The following XKR9 variants were observed in gnomAD, a reference collection of about 807,000 sequenced individuals.
XKR9 encodes XK related 9, also known as XK-related protein 9.
In XKR9, 32 loss-of-function variants were observed where a neutral mutation model predicts 32.0. That is an observed-to-expected ratio of 1.00 (90% CI 0.76 to 1.34). The LOEUF is 1.34. Among genes scored for constraint, XKR9 ranks in the 40% most tolerant of loss-of-function variants. The pLI, the probability that XKR9 is intolerant of heterozygous loss-of-function variation, is 0.00. For synonymous variants in XKR9, 168 were observed against 143.4 expected (o/e 1.17, Z -1.22); for missense variants, 546 against 429.7 (o/e 1.27, Z -2.39).
chr8:70,853,669 C>T, the XKR9 span, among the ~76,000 whole-genome samples: 1 of 152,008 alleles, frequency 6.6e-6, no homozygotes, highest in Non-Finnish European at 1.5e-5. Flanking sequence ...AATGCTATCC[C>T]TCCCTCACTC....
At chr8:71,036,037 CCACTATT>C in the XKR9 span, among the ~76,000 whole-genome samples, 1 of 152,130 alleles carries the variant, frequency 6.6e-6, no homozygotes, top group African/African-American at 2.4e-5. Flanking sequence ...ACATGACTGT[CCACTATT>C]CATCAAACCA....
chr8:70,951,377 ACAGGGCTAGAGGCC>A, the XKR9 span, among the ~76,000 whole-genome samples: 2 of 152,216 alleles, frequency 1.3e-5, no homozygotes, highest in South Asian at 4.1e-4. Flanking sequence ...GGGGTGGGGG[ACAGGGCTAGAGGCC>A]CAGGGCCCTC....
At chr8:70,761,842 T>C (rs1425244309) in intron 2 of XKR9, among the ~76,000 whole-genome samples, 1 of 152,208 alleles carries the variant, frequency 6.6e-6, no homozygotes, top group African/African-American at 2.4e-5. Context: ...TACATGTAAG[T>C]CTTTAATCCA....
chr8:70,699,074 G>A (rs984781520), intron 3 of XKR9, among the ~76,000 whole-genome samples: 1 of 152,076 alleles, frequency 6.6e-6, no homozygotes, highest in African/African-American at 2.4e-5. Flanking sequence ...GAGCCTATGT[G>A]TGTCTCTGCA....
chr8:70,698,738 C>G (rs1285693658), intron 3 of XKR9, among the ~76,000 whole-genome samples: 1 of 152,086 alleles, frequency 6.6e-6, no homozygotes, highest in African/African-American at 2.4e-5. Context: ...CCTGGGTATC[C>G]TCGTTAACTT....
intron 2 of XKR9, among the ~76,000 whole-genome samples, chr8:70,767,731 G>A (rs946567407): frequency 6.6e-6 from 1 of 151,872 alleles, no homozygotes; most frequent in African/African-American, 2.4e-5. Context: ...TTGATCTCCT[G>A]ACCTCGTTTT....
At chr8:70,940,678 T>C in the XKR9 span, among the ~76,000 whole-genome samples, 15 of 152,152 alleles carry the variant, frequency 9.9e-5, no homozygotes, top group African/African-American at 3.1e-4. Context: ...GACTAAAATA[T>C]GATTGTTGAT....
At chr8:71,006,583 C>G in the XKR9 span, among the ~76,000 whole-genome samples, 2 of 152,114 alleles carry the variant, frequency 1.3e-5, no homozygotes, top group Admixed American at 1.3e-4. Context: ...GGTATAGAAA[C>G]TGAAAGAAAC....
At chr8:70,946,887 A>G in the XKR9 span, among the ~76,000 whole-genome samples, 1 of 152,216 alleles carries the variant, frequency 6.6e-6, no homozygotes, top group Non-Finnish European at 1.5e-5. Flanking sequence ...AGAATGGGAT[A>G]TGGGACCAAT....
the XKR9 span, among the ~76,000 whole-genome samples, chr8:70,909,474 T>A: frequency 6.6e-6 from 1 of 152,068 alleles, no homozygotes; most frequent in East Asian, 1.9e-4. Context: ...AGGCCATTTG[T>A]TTACGTTTTG....
intron 3 of XKR9, among the ~76,000 whole-genome samples, chr8:70,701,049 A>G (rs1586831692): frequency 6.6e-6 from 1 of 152,282 alleles, no homozygotes; most frequent in South Asian, 2.1e-4. Flanking sequence ...AAAGCGCAGT[A>G]TTCGGGTGGG....
intron 4 of XKR9, among the ~76,000 whole-genome samples, chr8:70,730,049 A>T (rs923003699): frequency 2.4e-4 from 36 of 152,184 alleles, no homozygotes; most frequent in Non-Finnish European, 5.3e-4. Flanking sequence ...TGGTAACTTG[A>T]AAAAAATATA....
the XKR9 span, among the ~76,000 whole-genome samples, chr8:70,863,059 G>A: frequency 6.6e-6 from 1 of 152,272 alleles, no homozygotes; most frequent in East Asian, 1.9e-4. Context: ...TAGCAAGAAG[G>A]AGTTTGGTGA....
At chr8:70,938,018 T>C in the XKR9 span, among the ~76,000 whole-genome samples, 1 of 152,068 alleles carries the variant, frequency 6.6e-6, no homozygotes, top group Non-Finnish European at 1.5e-5. Context: ...GTTGGGGACA[T>C]GAGACTTACT....
At chr8:70,874,897 T>C in the XKR9 span, among the ~76,000 whole-genome samples, 13 of 152,306 alleles carry the variant, frequency 8.5e-5, no homozygotes, top group African/African-American at 3.1e-4. Flanking sequence ...TTTTTCCCAA[T>C]AGTTCCAATC....
chr8:70,755,927 A>G (rs1277287259), intron 2 of XKR9, among the ~76,000 whole-genome samples: 6 of 152,170 alleles, frequency 3.9e-5, no homozygotes, highest in African/African-American at 1.4e-4. Flanking sequence ...AATTAAAAAA[A>G]AGATTTTGGT....
the XKR9 span, among the ~76,000 whole-genome samples, chr8:70,809,582 T>C: frequency 6.6e-6 from 1 of 152,022 alleles, no homozygotes; most frequent in Admixed American, 6.5e-5. Flanking sequence ...GAATAACCAA[T>C]GCAGAGAAGT....
At chr8:70,900,482 G>A in the XKR9 span, among the ~76,000 whole-genome samples, 1,376 of 152,006 alleles carry the variant, frequency 9.1e-3, 9 homozygotes, top group Non-Finnish European at 0.015. Context: ...CCAGCCACTC[G>A]GGAGTCTGAG....
chr8:70,754,849 A>G (rs1807195139), intron 2 of XKR9, among the ~76,000 whole-genome samples: 1 of 152,110 alleles, frequency 6.6e-6, no homozygotes, highest in Admixed American at 6.5e-5. Context: ...GGACACAGGC[A>G]TGGGCAAGGA....
Sources: gnomAD v4.1 joint callset for allele counts (sites outside exome capture counted in the v4.1 genomes callset) on GRCh38, gnomAD v4.1.1 for gene constraint, MANE v1.5 for transcripts, NCBI Gene and HGNC (gene_info 2026-07-23, HGNC 2026-07-21) for gene names.